MEIKIN: variants seen among roughly 807,000 people sequenced by gnomAD.
MEIKIN encodes meiosis-specific kinetochore protein.
rs538472532 is a variant in MEIKIN, at chr5:131,908,330, C to A, written c.703+3485G>T. Among the ~76,000 whole-genome samples, 53 of 152,164 alleles carry A rather than the reference C, an allele frequency of 3.5e-4. No homozygotes were observed. The South Asian group carries it at 8.9e-3, about 26-fold the overall frequency. Reference sequence around the variant, plus strand: ...ATATCAACAGAATAAAGGAAAAAAACCATATGATCATTTAAATTATGCTAG... The same window carrying A: ...ATATCAACAGAATAAAGGAAAAAAAACATATGATCATTTAAATTATGCTAG... On this transcript the variant is annotated intron_variant, in intron 8 of 12. Coordinates refer to ENST00000442687, the MANE Select transcript of MEIKIN (RefSeq NM_001303622.2).
At chr5:131,862,376 T>C (rs1463094164) in intron 9 of MEIKIN, among the ~76,000 whole-genome samples, 2 of 152,158 alleles carry the variant, frequency 1.3e-5, no homozygotes, top group African/African-American at 4.8e-5. Context: ...ATTAATTTTA[T>C]CTTTTTGAAC....
chr5:131,807,133 T>C lies in MEIKIN; in HGVS notation c.*103A>G. On this transcript the variant is annotated 3_prime_UTR_variant, in exon 13 of 13. Coordinates refer to ENST00000442687, the MANE Select transcript of MEIKIN (RefSeq NM_001303622.2). Reference sequence around the variant, plus strand: ...ATATCACAAATAACTGGAGAATTTTTAATTTTTAATTTCATATAATTTCAG... The same window carrying C: ...ATATCACAAATAACTGGAGAATTTTCAATTTTTAATTTCATATAATTTCAG... 5.0e-6 allele frequency: 2 copies of C among 397,906 alleles called. No homozygotes were observed. Among genetic ancestry groups the C allele is most frequent in the Non-Finnish European group, 4.4e-6 (1 of 225,730 alleles). The allele number at this position is 397,906 out of a possible 1,614,324, so 24.6% of individuals were successfully genotyped here. A position where few individuals can be genotyped will look rare whatever the true frequency, so the allele number is the denominator to read the frequency against.
In MEIKIN at chr5:131,845,272, T is replaced by TAAAAAAAAAAAAAA. The variant is rs1158220526; in HGVS notation, c.975+5978_975+5991dup. Among the ~76,000 whole-genome samples the TAAAAAAAAAAAAAA allele has an allele frequency of 2.7e-3, 124 of 45,356 alleles. 12 individuals carry two copies. Among genetic ancestry groups the TAAAAAAAAAAAAAA allele is most frequent in the African/African-American group, 0.016 (118 of 7,158 alleles). The allele number at this position is 45,356 out of a possible 152,430, so 29.8% of individuals were successfully genotyped here. A position where few individuals can be genotyped will look rare whatever the true frequency, so the allele number is the denominator to read the frequency against. On this transcript the variant is annotated intron_variant, in intron 11 of 12. Transcript: ENST00000442687. ...GTGACAGAGCGAGAAGACTTCGTCTTAAAAAAAAAAAAAAAAAAAAAAAAA... is the reference window on the plus strand; with the variant it reads ...GTGACAGAGCGAGAAGACTTCGTCTTAAAAAAAAAAAAAAAAAAAAAAAAAAAAAAAAAAAAAAA...
At chr5:131,841,447 T>C (rs1468753877) in intron 11 of MEIKIN, among the ~76,000 whole-genome samples, 1 of 152,196 alleles carries the variant, frequency 6.6e-6, no homozygotes, top group Non-Finnish European at 1.5e-5. Context: ...CAGCAGTATG[T>C]CTGTTTCTAT....
intron 8 of MEIKIN, among the ~76,000 whole-genome samples, chr5:131,893,225 G>T (rs1168142135): frequency 6.6e-6 from 1 of 152,118 alleles, no homozygotes; most frequent in Non-Finnish European, 1.5e-5. Context: ...TCCTTGAGCT[G>T]TGGTGGGCTC....
intron 8 of MEIKIN, among the ~76,000 whole-genome samples, chr5:131,896,148 G>A (rs1370996499): frequency 6.6e-6 from 1 of 152,168 alleles, no homozygotes; most frequent in African/African-American, 2.4e-5. Context: ...TATTTACCCA[G>A]TAGTCATTCA....
intron 9 of MEIKIN, among the ~76,000 whole-genome samples, chr5:131,873,139 C>A (rs553456180): frequency 6.6e-6 from 1 of 152,282 alleles, no homozygotes; most frequent in East Asian, 1.9e-4. Flanking sequence ...ATCATATTCA[C>A]ATATAACAAT....
chr5:131,914,498 AAAAG>A (rs1751381296), intron 7 of MEIKIN, among the ~76,000 whole-genome samples: 1 of 147,178 alleles, frequency 6.8e-6, no homozygotes, highest in Non-Finnish European at 1.5e-5. Flanking sequence ...AAAGAGGAGA[AAAAG>A]AAAAGAAAAA....
chr5:131,860,684 T>C (rs1750269408), intron 9 of MEIKIN, among the ~76,000 whole-genome samples: 1 of 150,438 alleles, frequency 6.6e-6, no homozygotes, highest in Non-Finnish European at 1.5e-5. Flanking sequence ...CCTCACCTCA[T>C]GATCCACCCA....
chr5:131,816,057 A>C (rs1773094410), intron 12 of MEIKIN, among the ~76,000 whole-genome samples: 1 of 152,254 alleles, frequency 6.6e-6, no homozygotes, highest in Admixed American at 6.5e-5. Context: ...TAGCAAGAAG[A>C]AGGGTGAACA....
chr5:131,868,339 C>G (rs1750426878), intron 9 of MEIKIN, among the ~76,000 whole-genome samples: 1 of 152,224 alleles, frequency 6.6e-6, no homozygotes, highest in Non-Finnish European at 1.5e-5. Flanking sequence ...TTGCCTCAGT[C>G]CCCCAAAATG....
At chr5:131,923,093 G>A (rs1304194766) in intron 5 of MEIKIN, among the ~76,000 whole-genome samples, 4 of 152,086 alleles carry the variant, frequency 2.6e-5, no homozygotes, top group African/African-American at 4.8e-5. Flanking sequence ...TCGCCATGTT[G>A]GCCAGGCTTG....
At position 131,887,955 on chromosome 5, in the gene MEIKIN, C is replaced by T. The variant is rs1356800629; in HGVS notation, c.704-8907G>A. On this transcript the variant is annotated intron_variant, in intron 8 of 12. Transcript: ENST00000442687. ...ATTCCCACCTATGAGTGAGAACATG[C>T]GGTGTTTGGTTTTTTGTCCTTGTGA... 7.1e-4 allele frequency among the ~76,000 whole-genome samples: 96 copies of T among 135,720 alleles called. 3 individuals are homozygous for T. The East Asian group carries it at 0.017, about 24-fold the overall frequency. 89.0% of individuals were successfully genotyped at this position (135,720 alleles called of 152,430 possible).
At chr5:131,942,737 T>A (rs1394788238) in intron 3 of MEIKIN, 42 bp from the exon 4 acceptor site, 5 of 397,420 alleles carry the variant, frequency 1.3e-5, no homozygotes, top group Non-Finnish European at 8.9e-6. Flanking sequence ...AATTATGAGA[T>A]TGACCATTTC....
At chr5:131,898,316 C>T (rs550131746) in intron 8 of MEIKIN, among the ~76,000 whole-genome samples, 10 of 152,226 alleles carry the variant, frequency 6.6e-5, no homozygotes, top group East Asian at 1.9e-4. Context: ...GAGGGGCAGC[C>T]GCCTATATGA....
At chr5:131,944,355 A>G (rs540712817) in intron 3 of MEIKIN, 179 of 203,874 alleles carry the variant, frequency 8.8e-4, no homozygotes, top group African/African-American at 4.0e-3. Context: ...TGGAAAATCA[A>G]ATGGAAAACA....
chr5:131,843,630 C>A (rs1169722374), intron 11 of MEIKIN, among the ~76,000 whole-genome samples: 1 of 152,206 alleles, frequency 6.6e-6, no homozygotes, highest in Non-Finnish European at 1.5e-5. Context: ...GCAAGAGTAA[C>A]CTTTACTCCA....
At chr5:131,890,000 A>G (rs1750878939) in intron 8 of MEIKIN, among the ~76,000 whole-genome samples, 1 of 152,178 alleles carries the variant, frequency 6.6e-6, no homozygotes, top group Non-Finnish European at 1.5e-5. Flanking sequence ...TTCTATTTAT[A>G]TGCTGGATTA....
intron 11 of MEIKIN, among the ~76,000 whole-genome samples, chr5:131,820,027 G>C (rs1317429526): frequency 6.8e-6 from 1 of 146,676 alleles, no homozygotes; most frequent in Non-Finnish European, 1.5e-5. Flanking sequence ...CGCCCGCCTC[G>C]GCCTCCCAAA....
Sources: gnomAD v4.1 joint callset for allele counts (sites outside exome capture counted in the v4.1 genomes callset) on GRCh38, gnomAD v4.1.1 for gene constraint, MANE v1.5 for transcripts, NCBI Gene and HGNC (gene_info 2026-07-23, HGNC 2026-07-21) for gene names.